The following TEAD1 variants were observed in gnomAD, a reference collection of about 807,000 sequenced individuals.
TEAD1 encodes TEA domain transcription factor 1.
A neutral mutation model predicts 54.9 loss-of-function variants in TEAD1; 9 were observed. The observed-to-expected ratio is 0.16, with a 90% CI of 0.10 to 0.29. TEAD1 has a LOEUF of 0.29. Ranked by LOEUF, TEAD1 falls within the 10% of genes least tolerant of loss-of-function variation. The pLI is 1.00. For missense variants in TEAD1, 387 were observed against 535.9 expected (o/e 0.72, Z 2.74); for synonymous variants, 200 against 187.8 (o/e 1.07, Z -0.53).
At chr11:12,886,171 A>G (rs1026487914) in intron 9 of TEAD1, among the ~76,000 whole-genome samples, 4 of 152,258 alleles carry the variant, frequency 2.6e-5, no homozygotes, top group African/African-American at 7.2e-5. Flanking sequence ...ATGTGGCAGT[A>G]TATTAAATCA....
intron 3 of TEAD1, among the ~76,000 whole-genome samples, chr11:12,766,321 A>G (rs556616928): frequency 2.6e-5 from 4 of 152,258 alleles, no homozygotes; most frequent in African/African-American, 7.2e-5. Flanking sequence ...CAATTTGCCT[A>G]TAATTCAATT....
Position 12,862,328 on chromosome 11 carries a change from C to T in TEAD1, c.267+14C>T. 1 of 1,613,092 alleles carries T rather than the reference C, an allele frequency of 6.2e-7. No individual in the cohort carries two copies. The highest frequency in any genetic ancestry group is 8.5e-7 in the Non-Finnish European group (1 of 1,179,198). On this transcript the variant is annotated intron_variant, in intron 4 of 12. Transcript: ENST00000527636. ...ACCAGAAAACAGGTAAAATAACCCA[C>T]CTGGAAATTGTGCATGTCAGCGAAT...
chr11:12,807,862 G>A (rs977904640), intron 3 of TEAD1, among the ~76,000 whole-genome samples: 1 of 152,168 alleles, frequency 6.6e-6, no homozygotes, highest in African/African-American at 2.4e-5. Flanking sequence ...TGGGTGCTGT[G>A]GTTGCTGTGT....
intron 2 of TEAD1, among the ~76,000 whole-genome samples, chr11:12,680,183 C>T (rs954189108): frequency 7.9e-5 from 12 of 152,152 alleles, no homozygotes; most frequent in African/African-American, 2.9e-4. Context: ...TGAAGGGAGT[C>T]GTCTTTGACG....
chr11:12,862,153 A>T, intron 3 of TEAD1, 97 bp from the exon 4 acceptor site: 1 of 946,634 alleles, frequency 1.1e-6, no homozygotes, highest in Non-Finnish European at 1.7e-6. Context: ...TTGTAATTTT[A>T]AAATTCTTGA....
At chr11:12,791,301 C>T (rs1354551242) in intron 3 of TEAD1, among the ~76,000 whole-genome samples, 1 of 152,176 alleles carries the variant, frequency 6.6e-6, no homozygotes, top group East Asian at 1.9e-4. Context: ...AAACCTTTAT[C>T]AAGTAAAAGT....
intron 5 of TEAD1, among the ~76,000 whole-genome samples, chr11:12,866,031 C>T (rs981271354): frequency 6.6e-6 from 1 of 152,218 alleles, no homozygotes; most frequent in East Asian, 1.9e-4. Context: ...TGGAATAGGA[C>T]AAGTGATTAG....
At chr11:12,757,860 ATC>A (rs1444078618) in intron 2 of TEAD1, among the ~76,000 whole-genome samples, 3 of 152,068 alleles carry the variant, frequency 2.0e-5, no homozygotes, top group Non-Finnish European at 4.4e-5. Flanking sequence ...GCTCACTGCT[ATC>A]TCTGCCTCCC....
intron 3 of TEAD1, among the ~76,000 whole-genome samples, chr11:12,772,034 G>A (rs531214048): frequency 6.6e-6 from 1 of 152,268 alleles, no homozygotes; most frequent in Admixed American, 6.5e-5. Context: ...AGAGCTGCTG[G>A]GCTAGCTGCA....
chr11:12,679,982 A>C (rs965750734), intron 2 of TEAD1, among the ~76,000 whole-genome samples: 2 of 152,228 alleles, frequency 1.3e-5, no homozygotes, highest in Non-Finnish European at 2.9e-5. Context: ...GTGTTTTTCT[A>C]ATAGATAGTA....
chr11:12,926,226 C>T (rs2919334), intron 11 of TEAD1, among the ~76,000 whole-genome samples: 96,233 of 151,992 alleles, frequency 0.63, 30,643 homozygotes, highest in South Asian at 0.73. Context: ...TCTTAAGACC[C>T]TGGGCTAAGC....
intron 4 of TEAD1, among the ~76,000 whole-genome samples, chr11:12,863,280 G>C (rs1274300045): frequency 6.6e-6 from 1 of 152,176 alleles, no homozygotes; most frequent in East Asian, 1.9e-4. Flanking sequence ...CAGCCTGGGA[G>C]CCTGGCTGCT....
chr11:12,747,669 C>T (rs1013928984), intron 2 of TEAD1, among the ~76,000 whole-genome samples: 17 of 152,114 alleles, frequency 1.1e-4, no homozygotes, highest in Middle Eastern at 3.2e-3. Flanking sequence ...TGAGAACCTA[C>T]GGTGTGTCTG....
chr11:12,726,555 A>G (rs982723791), intron 2 of TEAD1, among the ~76,000 whole-genome samples: 3 of 47,238 alleles, frequency 6.4e-5, no homozygotes, highest in Non-Finnish European at 1.2e-4. Flanking sequence ...GTATGGGGGG[A>G]AAAAAAGTAA....
chr11:12,914,731 A>G (rs1316415828), intron 10 of TEAD1, among the ~76,000 whole-genome samples: 2 of 152,224 alleles, frequency 1.3e-5, no homozygotes, highest in Admixed American at 6.5e-5. Context: ...CTCTAGGGGC[A>G]CTGTTGCCCC....
At chr11:12,735,895 C>G (rs1178693327) in intron 2 of TEAD1, among the ~76,000 whole-genome samples, 2 of 152,142 alleles carry the variant, frequency 1.3e-5, no homozygotes, top group Non-Finnish European at 1.5e-5. Context: ...GCTAATTGAA[C>G]AAATGCTTGC....
At chr11:12,783,133 T>TGTGTGTGTGTGCGTGC (rs1198828193) in intron 3 of TEAD1, among the ~76,000 whole-genome samples, 19 of 145,568 alleles carry the variant, frequency 1.3e-4, no homozygotes, top group African/African-American at 5.1e-4. Flanking sequence ...TGTGTGTGTG[T>TGTGTGTGTGTGCGTGC]GCGCGCACTT....
At chr11:12,867,060 A>T (rs560632706) in intron 5 of TEAD1, among the ~76,000 whole-genome samples, 1 of 152,170 alleles carries the variant, frequency 6.6e-6, no homozygotes, top group African/African-American at 2.4e-5. Flanking sequence ...AGTGACTTAC[A>T]GTATTCTGCT....
intron 2 of TEAD1, among the ~76,000 whole-genome samples, chr11:12,684,873 T>G (rs1468910915): frequency 6.6e-6 from 1 of 152,242 alleles, no homozygotes; most frequent in Non-Finnish European, 1.5e-5. Flanking sequence ...GCCCATCTCT[T>G]TAGCCAGTGT....
Sources: gnomAD v4.1 joint callset for allele counts (sites outside exome capture counted in the v4.1 genomes callset) on GRCh38, gnomAD v4.1.1 for gene constraint, MANE v1.5 for transcripts, NCBI Gene and HGNC (gene_info 2026-07-23, HGNC 2026-07-21) for gene names.